Variants in ATP5F1A observed in about 807,000 individuals in gnomAD.
ATP5F1A encodes ATP synthase F1 subunit alpha, also known as ATP synthase F(1) complex subunit alpha, mitochondrial.
Under a neutral mutation model 57.4 loss-of-function variants are expected in ATP5F1A, and 24 were observed. That is an observed-to-expected ratio of 0.42 (90% CI 0.30 to 0.59). ATP5F1A has a LOEUF of 0.59. ATP5F1A is among the 20% of genes least tolerant of loss of function. ATP5F1A has a pLI of 0.19. For missense variants in ATP5F1A, 494 were observed against 707.9 expected (o/e 0.70, Z 3.43); for synonymous variants, 251 against 255.5 (o/e 0.98, Z 0.17).
intron 8 of ATP5F1A, chr18:46,086,753 A>G: frequency 1.7e-6 from 1 of 599,382 alleles, no homozygotes; most frequent in Non-Finnish European, 2.9e-6. Flanking sequence ...TATTTGATTC[A>G]AAATTATCTA....
Position 46,087,723 on chromosome 18 carries a change from T to C in ATP5F1A, c.800-231A>G, listed in dbSNP as rs1344411403. 3.0e-5 allele frequency: 15 copies of C among 501,190 alleles called. No individual in the cohort carries two copies. The South Asian group carries it at 3.3e-4, about 11-fold the overall frequency. The allele number at this position is 501,190 out of a possible 1,614,324, so 31.0% of individuals were successfully genotyped here. On this transcript the variant is annotated intron_variant, in intron 6 of 11. Transcript: ENST00000398752. ...GAGGAAACTCCGTCTCTACTAAAAA[T>C]ACAAAAATTAGCCGGACGTGGTGGC...
intron 1 of ATP5F1A, among the ~76,000 whole-genome samples, chr18:46,095,900 TC>T (rs1910913956): frequency 6.6e-6 from 1 of 151,966 alleles, no homozygotes. Context: ...ATTTTTTTTT[TC>T]CTTCTGAGAC....
intron 3 of ATP5F1A, among the ~76,000 whole-genome samples, chr18:46,091,038 T>C (rs1910516776): frequency 6.6e-6 from 1 of 152,246 alleles, no homozygotes; most frequent in Non-Finnish European, 1.5e-5. Flanking sequence ...GCTCTGTAAT[T>C]ATTCTTCCAC....
In ATP5F1A at chr18:46,087,459, G is replaced by A. The variant is rs1291441677; in HGVS notation, c.833C>T (p.Thr278Met). 1.2e-6 allele frequency: 2 copies of A among 1,614,076 alleles called. No individual in the cohort carries two copies. The highest frequency in any genetic ancestry group is 1.3e-5 in the African/African-American group (1 of 74,918). Reference protein sequence around the residue: ...AMKYTIVVSATASDAAPLQYL... With the variant: ...AMKYTIVVSAMASDAAPLQYL... ...CTGAAGTGGGGCAGCATCCGAGGCC[G>A]TAGCCGACACCACAATGGTGTACTT... The change falls in exon 7 of 12, where the codon ACG becomes ATG. Residue 278 changes from threonine to methionine, a missense_variant. Coordinates refer to ENST00000398752, the MANE Select transcript of ATP5F1A (RefSeq NM_004046.6).
chr18:46,095,194 TAAAC>T (rs754259358), intron 1 of ATP5F1A, 63 bp from the exon 2 acceptor site: 1 of 1,488,128 alleles, frequency 6.7e-7, no homozygotes, highest in Non-Finnish European at 9.3e-7. Context: ...CTTACAAGCT[TAAAC>T]AAATGCCAGC....
chr18:46,088,916 G>C (rs1910330211), intron 5 of ATP5F1A, among the ~76,000 whole-genome samples: 1 of 152,002 alleles, frequency 6.6e-6, no homozygotes, highest in African/African-American at 2.4e-5. Flanking sequence ...TATGCTGGCA[G>C]CAATACTGCT....
At chr18:46,097,609 C>T (rs1343168943) in intron 1 of ATP5F1A, among the ~76,000 whole-genome samples, 2 of 152,128 alleles carry the variant, frequency 1.3e-5, no homozygotes, top group Admixed American at 6.5e-5. Context: ...AGGACGTTTT[C>T]ACGGTCGTTT....
chr18:46,103,027 T>C (rs72903447), upstream of ATP5F1A, among the ~76,000 whole-genome samples: 11,165 of 152,128 alleles, frequency 0.073, 520 homozygotes, highest in African/African-American at 0.13. Flanking sequence ...TTAGGCTGGG[T>C]GTGTTGGCTC....
chr18:46,085,930 T>G, intron 10 of ATP5F1A, 183 bp downstream of exon 10: 1 of 693,132 alleles, frequency 1.4e-6, no homozygotes, highest in Non-Finnish European at 2.2e-6. Context: ...TGAAACTTCG[T>G]CTCAAAAAAA....
intron 1 of ATP5F1A, among the ~76,000 whole-genome samples, chr18:46,095,826 T>C (rs554747009): frequency 3.2e-4 from 48 of 152,190 alleles, no homozygotes; most frequent in African/African-American, 1.2e-3. Context: ...TTTCATCATA[T>C]TGCCCAGACT....
In ATP5F1A at chr18:46,086,158, T is replaced by A. The variant is rs776442621; in HGVS notation, c.1384A>T (p.Ser462Cys). 8.7e-6 allele frequency: 14 copies of A among 1,612,228 alleles called. No homozygotes were observed. The highest frequency in any genetic ancestry group is 1.1e-5 in the Non-Finnish European group (13 of 1,180,020). Reference sequence around the variant, plus strand: ...AACTCAGTTAGACGCACGCCACGACTCAAAAGTTGTTGAGTGGCAGCATCG... The same window carrying A: ...AACTCAGTTAGACGCACGCCACGACACAAAAGTTGTTGAGTGGCAGCATCG... ...DLDAATQQLL[S>C]RGVRLTELLK... Residue 462 changes from serine (S) to cysteine (C), a missense_variant, in exon 10 of 12, where the codon AGT (serine) becomes TGT (cysteine). By Grantham distance (112) the Ser-to-Cys change is moderately radical. Around this residue, in one of 6 missense-constraint regions of ATP5F1A, gnomAD observed 127 missense variants for 195.2 expected, o/e 0.65. Coordinates refer to ENST00000398752, the MANE Select transcript of ATP5F1A (RefSeq NM_004046.6).
chr18:46,086,288 C>A (rs769646677), intron 9 of ATP5F1A, 31 bp from the exon 10 acceptor site: 1 of 1,613,490 alleles, frequency 6.2e-7, no homozygotes, highest in Non-Finnish European at 8.5e-7. Context: ...TACTGTAACT[C>A]AGTGACACAG....
At chr18:46,100,251 T>TAAAAAAAAAAAAAA (rs34683117), upstream of ATP5F1A, among the ~76,000 whole-genome samples, 3 of 68,648 alleles carry the variant, frequency 4.4e-5, no homozygotes, top group Non-Finnish European at 5.7e-5. Flanking sequence ...AAACTCCATC[T>TAAAAAAAAAAAAAA]AAAAAAAAAA....
At chr18:46,085,603 T>A (rs1429557349) in intron 10 of ATP5F1A, 1 of 156,258 alleles carries the variant, frequency 6.4e-6, no homozygotes, top group Non-Finnish European at 1.4e-5. Flanking sequence ...CACTCCAGCC[T>A]GGGTGACACT....
At chr18:46,100,251 T>TAAAAAAAAAAAA (rs34683117), upstream of ATP5F1A, among the ~76,000 whole-genome samples, 16 of 68,530 alleles carry the variant, frequency 2.3e-4, no homozygotes, top group East Asian at 4.1e-4. Flanking sequence ...AAACTCCATC[T>TAAAAAAAAAAAA]AAAAAAAAAA....
rs1909725771 is a variant in ATP5F1A, at chr18:46,081,287, C to T, written c.*2995G>A. ...CTACGAGATCCAGTCAACAAACAAA[C>T]AATACATACTCCCAGTAATAAATTA... is the stretch of plus-strand genomic sequence containing the variant. On this transcript the variant is annotated 3_prime_UTR_variant, in exon 12 of 12. Transcript: ENST00000398752. 1 of 150,872 alleles carries T rather than the reference C, an allele frequency of 6.6e-6. No individual in the cohort carries two copies. Among genetic ancestry groups the T allele is most frequent in the Non-Finnish European group, 1.5e-5 (1 of 67,866 alleles). The allele number at this position is 150,872 out of a possible 1,614,324, so 9.3% of individuals were successfully genotyped here. A position where few individuals can be genotyped will look rare whatever the true frequency, so the allele number is the denominator to read the frequency against.
chr18:46,102,821 G>C (rs545585873), upstream of ATP5F1A, among the ~76,000 whole-genome samples: 3 of 151,994 alleles, frequency 2.0e-5, no homozygotes, highest in Non-Finnish European at 4.4e-5. Context: ...GGTGGTGCAC[G>C]CCTATAGTCC....
At position 46,084,597 on chromosome 18, in the gene ATP5F1A, A is replaced by C; in HGVS notation, c.1487T>G (p.Leu496Arg). Residue 496 changes from leucine to arginine, a missense_variant, in exon 11 of 12, where the codon CTT becomes CGT. Transcript: ENST00000398752. ...AATCTTGCTGGGCTCCAGTTTATCAAGATATCCCCTTACACCCGCATAGAT... is the reference window on the plus strand; with the variant it reads ...AATCTTGCTGGGCTCCAGTTTATCACGATATCCCCTTACACCCGCATAGAT... ...AVIYAGVRGY[L>R]DKLEPSKITK... 1 of 1,612,538 alleles carries C rather than the reference A, an allele frequency of 6.2e-7. No homozygotes were observed. The highest frequency in any genetic ancestry group is 8.5e-7 in the Non-Finnish European group (1 of 1,179,682).
chr18:46,099,646 G>A (rs561022162), upstream of ATP5F1A, among the ~76,000 whole-genome samples: 2 of 151,942 alleles, frequency 1.3e-5, no homozygotes, highest in East Asian at 1.9e-4. Flanking sequence ...CAGGGCGTGG[G>A]GGGAGGTCTC....
Sources: allele counts gnomAD v4.1 joint callset (sites outside exome capture counted in the v4.1 genomes callset), GRCh38; gene constraint gnomAD v4.1.1; regional missense constraint gnomAD v4.1.1; transcripts MANE v1.5; gene names NCBI Gene and HGNC (gene_info 2026-07-23, HGNC 2026-07-21).